WWOX: variants seen among roughly 807,000 people sequenced by gnomAD.
The protein encoded by WWOX is WW domain containing oxidoreductase.
WWOX carries 69 observed loss-of-function variants against 46.2 expected under a neutral mutation model. The observed-to-expected ratio is 1.49, with a 90% CI of 1.23 to 1.82. The LOEUF is 1.82. Among genes scored for constraint, WWOX ranks in the 40% most tolerant of loss-of-function variants. The pLI is 0.00. For synonymous variants in WWOX, 359 were observed against 202.6 expected, an observed-to-expected ratio of 1.77 and a Z score of -6.56; for missense variants, 919 against 542.6, an observed-to-expected ratio of 1.69 and a Z score of -6.89.
intron 8 of WWOX, among the ~76,000 whole-genome samples, chr16:79,108,116 A>G (rs543596256): frequency 6.6e-6 from 1 of 152,282 alleles, no homozygotes; most frequent in East Asian, 1.9e-4. Context: ...GTTGGTTTAT[A>G]ATTGGGGGGA....
chr16:78,709,716 T>C (rs1450862364), intron 8 of WWOX, among the ~76,000 whole-genome samples: 1 of 148,728 alleles, frequency 6.7e-6, no homozygotes, highest in Admixed American at 6.9e-5. Context: ...GGCCTCTTCT[T>C]CCAAAGCAAC....
chr16:78,732,443 C>G (rs1239687366), intron 8 of WWOX, among the ~76,000 whole-genome samples: 1 of 152,060 alleles, frequency 6.6e-6, no homozygotes, highest in African/African-American at 2.4e-5. Context: ...ACAACTGAGC[C>G]CTCAGATGAT....
chr16:78,818,250 G>T (rs925917324), intron 8 of WWOX, among the ~76,000 whole-genome samples: 15 of 152,314 alleles, frequency 9.8e-5, no homozygotes, highest in South Asian at 8.3e-4. Context: ...AGGGAGACCT[G>T]GGCTGCACAT....
At chr16:79,207,653 A>G (rs2051563107) in intron 8 of WWOX, among the ~76,000 whole-genome samples, 1 of 152,222 alleles carries the variant, frequency 6.6e-6, no homozygotes, top group South Asian at 2.1e-4. Context: ...TTAAGACAGG[A>G]ATCTCCTCTT....
chr16:78,702,100 T>TTATATATATATATATATATATATATATA (rs72067397), intron 8 of WWOX, among the ~76,000 whole-genome samples: 9 of 81,222 alleles, frequency 1.1e-4, no homozygotes, highest in African/African-American at 6.2e-4. Flanking sequence ...ATCTATAAAG[T>TTATATATATATATATATATATATATATA]TATATATATA....
chr16:78,806,691 C>T (rs1422467259), intron 8 of WWOX, among the ~76,000 whole-genome samples: 3 of 152,250 alleles, frequency 2.0e-5, no homozygotes, highest in African/African-American at 7.2e-5. Flanking sequence ...CTTTTATGGC[C>T]TTCCATAGAA....
chr16:78,676,388 C>A (rs2047600206), intron 8 of WWOX, among the ~76,000 whole-genome samples: 2 of 149,782 alleles, frequency 1.3e-5, no homozygotes, highest in South Asian at 4.2e-4. Flanking sequence ...CTATTAACAG[C>A]CCTCCATATT....
intron 8 of WWOX, among the ~76,000 whole-genome samples, chr16:78,804,361 G>A (rs76794561): frequency 0.015 from 2,346 of 151,754 alleles, 60 homozygotes; most frequent in African/African-American, 0.046. Flanking sequence ...ACTTTTGCTC[G>A]GCAGCGAACA....
chr16:78,909,545 C>A (rs1481079935), intron 8 of WWOX, among the ~76,000 whole-genome samples: 1 of 152,106 alleles, frequency 6.6e-6, no homozygotes, highest in African/African-American at 2.4e-5. Context: ...TGGTTTTAAC[C>A]CTCAGCCTCT....
At chr16:78,850,871 A>G (rs2052425609) in intron 8 of WWOX, among the ~76,000 whole-genome samples, 1 of 152,162 alleles carries the variant, frequency 6.6e-6, no homozygotes, top group African/African-American at 2.4e-5. Context: ...TTGGTGCCAT[A>G]TTGGCTCAAC....
chr16:78,362,624 A>C (rs1207718841), intron 5 of WWOX, among the ~76,000 whole-genome samples: 1 of 152,060 alleles, frequency 6.6e-6, no homozygotes, highest in East Asian at 1.9e-4. Flanking sequence ...CACCCTGCAA[A>C]AAAAGAAAAG....
intron 8 of WWOX, among the ~76,000 whole-genome samples, chr16:79,031,571 T>G (rs1178545276): frequency 2.0e-5 from 3 of 152,034 alleles, no homozygotes; most frequent in Non-Finnish European, 4.4e-5. Context: ...TAAACTTGAT[T>G]GATCTGGGCA....
chr16:78,746,804 C>A (rs1173951823), intron 8 of WWOX, among the ~76,000 whole-genome samples: 1 of 152,126 alleles, frequency 6.6e-6, no homozygotes, highest in Non-Finnish European at 1.5e-5. Context: ...TCAGGCCAAC[C>A]TCAACCAATT....
intron 8 of WWOX, chr16:79,090,116 T>C (rs1006298134): frequency 1.3e-5 from 2 of 152,048 alleles, no homozygotes; most frequent in Non-Finnish European, 2.9e-5. Context: ...GGGGCTTTAA[T>C]CAAGCTATAA....
At chr16:78,639,336 C>G (rs192582720) in intron 8 of WWOX, among the ~76,000 whole-genome samples, 2 of 152,182 alleles carry the variant, frequency 1.3e-5, no homozygotes, top group Admixed American at 6.5e-5. Flanking sequence ...CACCTGGGCT[C>G]ACACCTTGCC....
intron 8 of WWOX, among the ~76,000 whole-genome samples, chr16:78,451,214 C>T (rs1316366084): frequency 6.6e-6 from 1 of 152,160 alleles, no homozygotes; most frequent in Non-Finnish European, 1.5e-5. Flanking sequence ...GGCAAGTCCT[C>T]CTGACCAGGG....
chr16:78,827,067 G>A (rs924671366), intron 8 of WWOX, among the ~76,000 whole-genome samples: 1 of 152,100 alleles, frequency 6.6e-6, no homozygotes, highest in African/African-American at 2.4e-5. Flanking sequence ...AGAGAGCTTT[G>A]ATCCCTGGTT....
intron 5 of WWOX, among the ~76,000 whole-genome samples, chr16:78,334,418 G>T (rs749447644): frequency 1.3e-5 from 2 of 152,136 alleles, no homozygotes. Flanking sequence ...AAATAGTTCA[G>T]ACTTTACTCT....
At chr16:78,372,298 C>T (rs1463265336) in intron 5 of WWOX, among the ~76,000 whole-genome samples, 1 of 152,182 alleles carries the variant, frequency 6.6e-6, no homozygotes, top group Non-Finnish European at 1.5e-5. Flanking sequence ...GGGTGTCCTT[C>T]ATGCTTAGAT....
Sources: allele counts gnomAD v4.1 joint callset (sites outside exome capture counted in the v4.1 genomes callset), GRCh38; gene constraint gnomAD v4.1.1; transcripts MANE v1.5; gene names NCBI Gene and HGNC (gene_info 2026-07-23, HGNC 2026-07-21).